The following LAMA5 variants were observed in gnomAD, a reference collection of about 807,000 sequenced individuals.
LAMA5 encodes the protein laminin subunit alpha-5.
LAMA5 carries 260 observed loss-of-function variants against 433.4 expected under a neutral mutation model. The observed-to-expected ratio is 0.60, with a 90% CI of 0.54 to 0.66. LAMA5 has a LOEUF of 0.66. Ranked by LOEUF, LAMA5 falls within the 30% of genes least tolerant of loss-of-function variation. LAMA5 has a pLI of 0.00. For synonymous variants in LAMA5, 2,620 were observed against 2,226.6 expected (o/e 1.18, Z -4.97); for missense variants, 5,378 against 5,258.5 (o/e 1.02, Z -0.70).
intron 51 of LAMA5, 102 bp downstream of exon 51, chr20:62,319,582 T>C: frequency 1.3e-6 from 1 of 785,164 alleles, no homozygotes; most frequent in Non-Finnish European, 2.1e-6. Context: ...AAAAGACAGA[T>C]CCTGCCTGTT....
intron 20 of LAMA5, 146 bp downstream of exon 20, chr20:62,334,875 T>C: frequency 2.6e-6 from 2 of 770,778 alleles, no homozygotes; most frequent in Non-Finnish European, 4.3e-6. Context: ...TCCCACACCC[T>C]GGCACAGGCT....
chr20:62,352,180 C>T, intron 4 of LAMA5, 62 bp downstream of exon 4: 4 of 1,560,838 alleles, frequency 2.6e-6, no homozygotes, highest in South Asian at 1.1e-5. Context: ...TCGGCACTGC[C>T]CCTCCCCTAC....
At position 62,320,504 on chromosome 20, in the gene LAMA5, G is replaced by C. The variant is rs538174885; in HGVS notation, c.6759+55C>G. 10 of 1,355,110 alleles carry C rather than the reference G, an allele frequency of 7.4e-6. No homozygotes were observed. In the East Asian group the frequency reaches 2.5e-4, roughly 33 times the overall value. 83.9% of individuals were successfully genotyped at this position (1,355,110 alleles called of 1,614,324 possible). On this transcript the variant is annotated intron_variant, in intron 50 of 79. Coordinates refer to ENST00000252999, the MANE Select transcript of LAMA5 (RefSeq NM_005560.6). ...TCTGCTGAATGAGGACAAGCGAACC[G>C]CGGGGAACACAGGTGAAAGCCTCCC...
rs1978342043 is a variant in LAMA5 at position 62,322,113 on chromosome 20, G to A, written c.6402C>T (p.Pro2134=). 3 of 1,603,310 alleles carry A rather than the reference G, an allele frequency of 1.9e-6. No individual in the cohort carries two copies. The highest frequency in any genetic ancestry group is 2.2e-5 in the East Asian group (1 of 44,834). ...CGCAGCGCTCCCCGCTGAGCCCCGG[G>A]GGGCAGTTGCAGCGGCCCGTGTGAG... ...CDPHTGRCNC[P]PGLSGERCDT... is the part of the protein sequence containing the mutation. Residue 2134 remains proline (P), a synonymous_variant, in exon 48 of 80, where the codon CCC becomes CCT. Coordinates refer to ENST00000252999, the MANE Select transcript of LAMA5 (RefSeq NM_005560.6).
At position 62,332,484 on chromosome 20, in the gene LAMA5, TGG is replaced by T. The variant is rs749945088; in HGVS notation, c.3444-6_3444-5del. 4 of 1,611,608 alleles carry T rather than the reference TGG, an allele frequency of 2.5e-6. No homozygotes were observed. The South Asian group carries it at 4.4e-5, about 18-fold the overall frequency. ...GGCAGTGCCCCGGCACAGGGTGCTG[TGG>T]GGGGAGGGTGGTCAGCAGGTGGGGC... On this transcript the variant is annotated splice_polypyrimidine_tract_variant and splice_region_variant and intron_variant, in intron 27 of 79. Coordinates refer to ENST00000252999, the MANE Select transcript of LAMA5 (RefSeq NM_005560.6).
intron 11 of LAMA5, among the ~76,000 whole-genome samples, chr20:62,344,820 C>T (rs1390237028): frequency 1.3e-5 from 2 of 151,654 alleles, no homozygotes; most frequent in African/African-American, 2.4e-5. Flanking sequence ...GATTTCCAAC[C>T]ACTGGGGGTT....
intron 1 of LAMA5, among the ~76,000 whole-genome samples, chr20:62,365,862 T>C (rs144823673): frequency 0.018 from 2,761 of 151,654 alleles, 64 homozygotes; most frequent in African/African-American, 0.056. Context: ...CCCAGAAGCC[T>C]GGGGAGGCTC....
rs1369019476 is a variant in LAMA5, at chr20:62,353,333, C to G, written c.451-82G>C. The G allele has an allele frequency of 7.1e-6, 7 of 988,244 alleles. No individual in the cohort carries two copies. In the Admixed American group the frequency reaches 1.4e-4, roughly 19 times the overall value. The allele number at this position is 988,244 out of a possible 1,614,324, so 61.2% of individuals were successfully genotyped here. A position where few individuals can be genotyped will look rare whatever the true frequency, so the allele number is the denominator to read the frequency against. On this transcript the variant is annotated intron_variant, in intron 2 of 79. Transcript: ENST00000252999. ...GGGGCCTGGCTCATTTTCTGCCCCT[C>G]AGGTGAGGCCACAGCAGGGGATGTG...
intron 6 of LAMA5, among the ~76,000 whole-genome samples, chr20:62,350,430 T>A (rs1173334172): frequency 6.6e-6 from 1 of 151,954 alleles, no homozygotes; most frequent in Admixed American, 6.6e-5. Context: ...ACCAGCCACA[T>A]CCGAAGGGGC....
rs1464441084 is a variant in LAMA5, at chr20:62,346,994, C to T, written c.991G>A (p.Gly331Ser). ...QCTCQHNTCG[G>S]TCDRCCPGFN... ...CCGGGGCAGCAGCGGTCGCAGGTGC[C>T]CCCGCAGGTGTTGTGCTGGCAGGTG... Residue 331 changes from glycine to serine, a missense_variant, in exon 7 of 80, where the codon GGC becomes AGC. By Grantham distance (56) the Gly-to-Ser change is moderately conservative. Coordinates refer to ENST00000252999, the MANE Select transcript of LAMA5 (RefSeq NM_005560.6). The T allele has an allele frequency of 6.2e-7, 1 of 1,612,248 alleles. No individual in the cohort carries two copies. Among genetic ancestry groups the T allele is most frequent in the East Asian group, 2.2e-5 (1 of 44,864 alleles).
intron 48 of LAMA5, 28 bp from the exon 49 acceptor site, chr20:62,320,918 G>C (rs1987634913): frequency 6.3e-7 from 1 of 1,594,806 alleles, no homozygotes; most frequent in African/African-American, 1.3e-5. Context: ...TCACAGGTCA[G>C]TGTCATTGGG....
Position 62,324,530 on chromosome 20 carries a change from C to T in LAMA5, c.5554G>A (p.Asp1852Asn), listed in dbSNP as rs1399711242. The change falls in exon 42 of 80, where the codon GAC (aspartate) becomes AAC (asparagine). Residue 1852 changes from aspartate to asparagine, a missense_variant. Coordinates refer to ENST00000252999, the MANE Select transcript of LAMA5 (RefSeq NM_005560.6). The surrounding 1 kb of genome is among the most constrained non-coding windows in gnomAD (Gnocchi z 4.4). ...CQECAPGFYRDVKGLFLGRCV... is the reference protein window; with the variant it reads ...CQECAPGFYRNVKGLFLGRCV... ...CGGCCCAGGAAGAGACCTTTGACGT[C>T]CCGATAGAAGCCGGGGGCACATTCC... 13 of 1,611,666 alleles carry T rather than the reference C, an allele frequency of 8.1e-6. No homozygotes were observed. The highest frequency in any genetic ancestry group is 1.1e-5 in the Non-Finnish European group (13 of 1,179,448).
intron 2 of LAMA5, among the ~76,000 whole-genome samples, chr20:62,357,847 C>T (rs61051025): frequency 6.6e-6 from 1 of 152,154 alleles, no homozygotes; most frequent in South Asian, 2.1e-4. Flanking sequence ...CTCAACAGAG[C>T]TGGGCCTGGG....
chr20:62,354,461 G>A (rs1984859193), intron 2 of LAMA5, among the ~76,000 whole-genome samples: 3 of 151,884 alleles, frequency 2.0e-5, no homozygotes, highest in South Asian at 2.1e-4. Flanking sequence ...CGACATGACC[G>A]TGGGCCTCCA....
Position 62,325,411 on chromosome 20 carries a change from C to A in LAMA5, c.5434G>T (p.Ala1812Ser). 1 of 1,611,836 alleles carries A rather than the reference C, an allele frequency of 6.2e-7. No homozygotes were observed. Among genetic ancestry groups the A allele is most frequent in the Non-Finnish European group, 8.5e-7 (1 of 1,179,238 alleles). ...ISSAVFLRRVALEVASPAGQG... is the reference protein window; with the variant it reads ...ISSAVFLRRVSLEVASPAGQG... ...CCTGCTGGGCTGGCCACCTCCAGTG[C>A]CACCCTGCGCAGGAAGACAGCCGAG... is the stretch of plus-strand genomic sequence containing the variant. The change falls in exon 41 of 80, where the codon GCA (alanine) becomes TCA (serine). Residue 1812 changes from alanine (A) to serine (S), a missense_variant. Physicochemically the swap from Ala to Ser is moderately conservative, Grantham distance 99. Transcript: ENST00000252999.
In LAMA5 at chr20:62,309,156, T is replaced by C; in HGVS notation, c.*180A>G. 4.5e-6 allele frequency: 3 copies of C among 673,694 alleles called. No individual in the cohort carries two copies. The highest frequency in any genetic ancestry group is 4.7e-6 in the Non-Finnish European group (2 of 425,060). The allele number at this position is 673,694 out of a possible 1,614,324, so 41.7% of individuals were successfully genotyped here. A position where few individuals can be genotyped will look rare whatever the true frequency, so the allele number is the denominator to read the frequency against. On this transcript the variant is annotated 3_prime_UTR_variant, in exon 80 of 80. Transcript: ENST00000252999. ...ATTAAAAATGGGTGGAAGGGCCAAA[T>C]ATAAAAACATTTTGCAGTATTTTAT...
intron 2 of LAMA5, among the ~76,000 whole-genome samples, chr20:62,356,891 C>G (rs1054014477): frequency 6.6e-6 from 1 of 152,260 alleles, no homozygotes; most frequent in Non-Finnish European, 1.5e-5. Flanking sequence ...CGCAGAGACG[C>G]TGAGAGGCCC....
In LAMA5 at chr20:62,335,198, C is replaced by A. The variant is rs369591754; in HGVS notation, c.2376+19G>T. The A allele has an allele frequency of 9.9e-5, 160 of 1,612,668 alleles. No individual in the cohort carries two copies. Among genetic ancestry groups the A allele is most frequent in the Admixed American group, 1.5e-4 (9 of 59,938 alleles). On this transcript the variant is annotated intron_variant, in intron 19 of 79. Transcript: ENST00000252999. ...CCAGTGTGCCCCCAAATCCCCCACA[C>A]CTTGGTCCTCAGACTCACCGGCTGG...
At position 62,346,320 on chromosome 20, in the gene LAMA5, G is replaced by A. The variant is rs1983358039; in HGVS notation, c.1283-105C>T. The A allele has an allele frequency of 2.7e-6, 4 of 1,460,966 alleles. No individual in the cohort carries two copies. The Admixed American group carries it at 6.0e-5, about 22-fold the overall frequency. The allele number at this position is 1,460,966 out of a possible 1,614,324, so 90.5% of individuals were successfully genotyped here. A position where few individuals can be genotyped will look rare whatever the true frequency, so the allele number is the denominator to read the frequency against. ...TCCCCAGCCAGGGCCATGGGGATGAGGGCTACAGCCAGGCCCCCTGGGGGG... is the reference window on the plus strand; with the variant it reads ...TCCCCAGCCAGGGCCATGGGGATGAAGGCTACAGCCAGGCCCCCTGGGGGG... On this transcript the variant is annotated intron_variant, in intron 9 of 79. Transcript: ENST00000252999.
Sources: gnomAD v4.1 joint callset for allele counts (sites outside exome capture counted in the v4.1 genomes callset) on GRCh38, gnomAD v4.1.1 for gene constraint, Gnocchi (gnomAD v3.1) non-coding constraint, MANE v1.5 for transcripts, NCBI Gene and HGNC (gene_info 2026-07-23, HGNC 2026-07-21) for gene names.